The following TXLNA variants were observed in gnomAD, a reference collection of about 807,000 sequenced individuals.
TXLNA encodes the protein taxilin alpha.
In TXLNA, 9 loss-of-function variants were observed where a neutral mutation model predicts 61.4. The observed-to-expected ratio is 0.15, with a 90% confidence interval of 0.09 to 0.26. The LOEUF is 0.26. Among genes scored for constraint, TXLNA ranks in the 10% least tolerant of loss-of-function variants. TXLNA has a pLI of 1.00. For synonymous variants in TXLNA, 257 were observed against 267.7 expected (o/e 0.96, Z 0.39); for missense variants, 565 against 688.8 (o/e 0.82, Z 2.01).
intron 3 of TXLNA, among the ~76,000 whole-genome samples, chr1:32,183,423 C>G (rs891001928): frequency 1.1e-5 from 1 of 91,824 alleles, no homozygotes; most frequent in African/African-American, 4.4e-5. Flanking sequence ...CGTACCCTGC[C>G]TTTTTTTTTT....
At position 32,196,442 on chromosome 1, in the gene TXLNA, T is replaced by C. The variant is rs991506999; in HGVS notation, c.*1247T>C. 2 of 152,196 alleles carry C rather than the reference T, an allele frequency of 1.3e-5. No individual in the cohort carries two copies. The highest frequency in any genetic ancestry group is 2.4e-5 in the African/African-American group (1 of 41,436). 9.4% of individuals were successfully genotyped at this position (152,196 alleles called of 1,614,324 possible). On this transcript the variant is annotated 3_prime_UTR_variant, in exon 11 of 11. Transcript: ENST00000373610. ...CTACTTCTTCCTGTGTGGGAGCCCA[T>C]AGCTGTTGTCTAACAGGTAAGAAAT...
chr1:32,180,466 G>C lies in TXLNA; in HGVS notation c.121G>C (p.Val41Leu), dbSNP rs376657906. 9.3e-6 allele frequency: 15 copies of C among 1,612,246 alleles called. No homozygotes were observed. The South Asian group carries it at 1.2e-4, about 13-fold the overall frequency. ...GCGGCCCAGCCAGGCGGCTCCTGCA[G>C]TAGAAGCAGAAGGTCCCGGCAGCAG... ...QERPSQAAPAVEAEGPGSSQA... is the reference protein window; with the variant it reads ...QERPSQAAPALEAEGPGSSQA... The change falls in exon 2 of 11, where the codon GTA (valine) becomes CTA (leucine). Residue 41 changes from valine to leucine, a missense_variant. Physicochemically the swap from Val to Leu is conservative, Grantham distance 32 (BLOSUM62 1). Transcript: ENST00000373610.
chr1:32,180,194 C>T (rs1326395440), intron 1 of TXLNA, 120 bp from the exon 2 acceptor site: 11 of 1,112,716 alleles, frequency 9.9e-6, no homozygotes, highest in Non-Finnish European at 1.4e-5. Flanking sequence ...TGGCGCCCTC[C>T]GCCCGGGCCT....
At position 32,186,765 on chromosome 1, in the gene TXLNA, TG is replaced by T. The variant is rs148474919; in HGVS notation, c.598-1186del. 3.9e-4 allele frequency among the ~76,000 whole-genome samples: 59 copies of T among 152,254 alleles called. No homozygotes were observed. In the East Asian group the frequency reaches 7.9e-3, roughly 20 times the overall value. On this transcript the variant is annotated intron_variant, in intron 4 of 10. Transcript: ENST00000373610. ...ACTGGGATGCTGGAAATTGAGATAG[TG>T]GGTGTGCTCTCTGGTAGTGACAAAG... is the stretch of plus-strand genomic sequence containing the variant.
rs1433787497 is a variant in TXLNA at position 32,196,298 on chromosome 1, C to T, written c.*1103C>T. 1 of 152,540 alleles carries T rather than the reference C, an allele frequency of 6.6e-6. No homozygotes were observed. The highest frequency in any genetic ancestry group is 1.5e-5 in the Non-Finnish European group (1 of 68,304). 9.4% of individuals were successfully genotyped at this position (152,540 alleles called of 1,614,324 possible). Reference sequence around the variant, plus strand: ...ATGCAGCAGTTGCTGGGTCCCATGTCCAGCTGCCTCTTTGGCTTCATGGGT... The same window carrying T: ...ATGCAGCAGTTGCTGGGTCCCATGTTCAGCTGCCTCTTTGGCTTCATGGGT... On this transcript the variant is annotated 3_prime_UTR_variant, in exon 11 of 11. Coordinates refer to ENST00000373610, the MANE Select transcript of TXLNA (RefSeq NM_175852.4).
chr1:32,190,033 T>G (rs1642870189), intron 5 of TXLNA, 22 bp from the exon 6 acceptor site: 1 of 1,542,296 alleles, frequency 6.5e-7, no homozygotes, highest in Admixed American at 2.0e-5. Context: ...ATGATGGCTC[T>G]CGGGCTGACT....
At chr1:32,188,770 A>G (rs1642843113) in intron 5 of TXLNA, among the ~76,000 whole-genome samples, 1 of 152,212 alleles carries the variant, frequency 6.6e-6, no homozygotes, top group Non-Finnish European at 1.5e-5. Flanking sequence ...TACTAAGAGA[A>G]TCCATAATGC....
At chr1:32,193,328 T>C in intron 9 of TXLNA, 28 bp downstream of exon 9, 1 of 1,539,844 alleles carries the variant, frequency 6.5e-7, no homozygotes, top group Non-Finnish European at 9.0e-7. Flanking sequence ...CAGGCATGGC[T>C]GCTGGGGCAT....
chr1:32,194,067 G>A lies in TXLNA; in HGVS notation c.1254G>A (p.Met418Ile). 3 of 1,612,684 alleles carry A rather than the reference G, an allele frequency of 1.9e-6. No individual in the cohort carries two copies. The highest frequency in any genetic ancestry group is 2.5e-6 in the Non-Finnish European group (3 of 1,179,272). The part of the protein sequence containing the change: ...FTTFKQEMEK[M>I]TKKIKKLEKE... ...CTTCTGTCTGTCACATAACCTAGAT[G>A]ACTAAGAAGATCAAGAAGCTGGAGA... is the stretch of plus-strand genomic sequence containing the variant. The change falls in exon 10 of 11, where the codon ATG becomes ATA. Residue 418 changes from methionine (M) to isoleucine (I), a missense_variant and splice_region_variant. Coordinates refer to ENST00000373610, the MANE Select transcript of TXLNA (RefSeq NM_175852.4).
At chr1:32,193,990 C>T in intron 9 of TXLNA, 75 bp from the exon 10 acceptor site, 11 of 1,181,052 alleles carry the variant, frequency 9.3e-6, no homozygotes, top group Non-Finnish European at 1.4e-5. Context: ...GACACAGGTG[C>T]AGTCCCCACC....
chr1:32,188,262 C>A, intron 5 of TXLNA, 138 bp downstream of exon 5: 1 of 879,476 alleles, frequency 1.1e-6, no homozygotes, highest in Non-Finnish European at 1.6e-6. Context: ...TAAAAATCTT[C>A]TGGCCACTAA....
At position 32,181,384 on chromosome 1, in the gene TXLNA, G is replaced by T. The variant is rs1323580356; in HGVS notation, c.312G>T (p.Pro104=). ...GCGAGGATGGGGCACAGGGTGAGCC[G>T]GCTGAACCCGAAGATGCAGAGAAGT... ...GPGEDGAQGE[P]AEPEDAEKSR... is the part of the protein sequence containing the mutation. The change falls in exon 3 of 11, where the codon CCG becomes CCT. Residue 104 remains proline, a synonymous_variant. Coordinates refer to ENST00000373610, the MANE Select transcript of TXLNA (RefSeq NM_175852.4). 4 of 1,614,196 alleles carry T rather than the reference G, an allele frequency of 2.5e-6. No homozygotes were observed. The highest frequency in any genetic ancestry group is 3.4e-6 in the Non-Finnish European group (4 of 1,180,038).
chr1:32,186,091 A>T (rs1024842054), intron 4 of TXLNA, among the ~76,000 whole-genome samples: 1 of 152,258 alleles, frequency 6.6e-6, no homozygotes, highest in Non-Finnish European at 1.5e-5. Flanking sequence ...GGGGAATGTC[A>T]TACCTGCCTA....
intron 5 of TXLNA, 118 bp downstream of exon 5, chr1:32,188,242 C>T (rs1642829013): frequency 1.9e-6 from 2 of 1,064,148 alleles, no homozygotes; most frequent in Non-Finnish European, 2.6e-6. Context: ...CAGTGGCACA[C>T]ATAAGTGATT....
chr1:32,185,934 G>A (rs375512309), intron 4 of TXLNA, among the ~76,000 whole-genome samples: 1 of 151,946 alleles, frequency 6.6e-6, no homozygotes. Context: ...TCTTGGCCTC[G>A]TGATCCGCCC....
intron 9 of TXLNA, 42 bp from the exon 10 acceptor site, chr1:32,194,023 G>A (rs1557507166): frequency 6.5e-7 from 1 of 1,545,228 alleles, no homozygotes; most frequent in Non-Finnish European, 8.9e-7. Context: ...ACCTTGGAGA[G>A]GCCAGCTCTG....
intron 4 of TXLNA, 61 bp downstream of exon 4, chr1:32,184,677 G>A (rs760286611): frequency 2.5e-6 from 3 of 1,224,154 alleles, no homozygotes; most frequent in East Asian, 4.7e-5. Context: ...GCCACCTGGT[G>A]TAAGGTTGGG....
chr1:32,187,239 G>A (rs913870999), intron 4 of TXLNA, among the ~76,000 whole-genome samples: 2 of 152,184 alleles, frequency 1.3e-5, no homozygotes, highest in Admixed American at 1.3e-4. Context: ...AAATTGTAAT[G>A]TTTTGGATAT....
chr1:32,193,875 T>C (rs1198261871), intron 9 of TXLNA, among the ~76,000 whole-genome samples, 190 bp from the exon 10 acceptor site: 1 of 152,156 alleles, frequency 6.6e-6, no homozygotes, highest in Non-Finnish European at 1.5e-5. Flanking sequence ...TTCCTTGTTA[T>C]TGGTGGTGGA....
Sources: allele counts gnomAD v4.1 joint callset (sites outside exome capture counted in the v4.1 genomes callset), GRCh38; gene constraint gnomAD v4.1.1; transcripts MANE v1.5; gene names NCBI Gene and HGNC (gene_info 2026-07-23, HGNC 2026-07-21).